Variants in PRTG observed in about 807,000 individuals in gnomAD.
The protein encoded by PRTG is immunoglobulin superfamily, DCC subclass, member 5.
Under a neutral mutation model 122.5 loss-of-function variants are expected in PRTG, and 67 were observed. The observed-to-expected ratio is 0.55, with a 90% confidence interval of 0.45 to 0.67. PRTG has a LOEUF of 0.67. Among genes scored for constraint, PRTG ranks in the 30% least tolerant of loss-of-function variants. PRTG has a pLI of 0.00. For synonymous variants in PRTG, 554 were observed against 501.1 expected (o/e 1.11, Z -1.41); for missense variants, 1,435 against 1,415.4 (o/e 1.01, Z -0.22).
At chr15:55,706,014 A>ATTTTTTTTTTTTTTTTTT (rs56275705) in intron 2 of PRTG, among the ~76,000 whole-genome samples, 53 of 94,352 alleles carry the variant, frequency 5.6e-4, no homozygotes, top group African/African-American at 8.1e-4. Context: ...TGCCCAGCTA[A>ATTTTTTTTTTTTTTTTTT]TTTTTTTTTT....
At chr15:55,689,956 C>T (rs1299851650) in intron 2 of PRTG, among the ~76,000 whole-genome samples, 1 of 151,520 alleles carries the variant, frequency 6.6e-6, no homozygotes, top group East Asian at 1.9e-4. Flanking sequence ...AGTTAGGCAT[C>T]AATTATTTCA....
chr15:55,720,713 C>A (rs75728256), intron 2 of PRTG, among the ~76,000 whole-genome samples: 1 of 152,304 alleles, frequency 6.6e-6, no homozygotes, highest in African/African-American at 2.4e-5. Context: ...TCAGCAGTGT[C>A]CTTCTTTTGG....
chr15:55,679,393 G>A lies in PRTG; in HGVS notation c.1026C>T (p.Gly342=), dbSNP rs375295204. The change falls in exon 7 of 20, where the codon GGC becomes GGT. Residue 342 remains glycine (G), a synonymous_variant. Coordinates refer to ENST00000389286, the MANE Select transcript of PRTG (RefSeq NM_173814.6). The part of the protein sequence containing the change: ...WPESLTRPRA[G]TARFVCQAEG... ...CTGCCTGACACACAAATCGAGCAGT[G>A]CCAGCTCGAGGCCTTGTTAAACTTT... The A allele has an allele frequency of 2.5e-6, 4 of 1,612,712 alleles. No homozygotes were observed. The highest frequency in any genetic ancestry group is 3.4e-6 in the Non-Finnish European group (4 of 1,179,068).
chr15:55,668,379 C>T (rs984669390), intron 11 of PRTG, among the ~76,000 whole-genome samples: 3 of 152,144 alleles, frequency 2.0e-5, no homozygotes, highest in Admixed American at 2.0e-4. Flanking sequence ...TATAAGCTAA[C>T]TTCAGAATTT....
intron 8 of PRTG, 93 bp from the exon 9 acceptor site, chr15:55,675,776 T>C: frequency 3.0e-6 from 2 of 670,472 alleles, no homozygotes; most frequent in African/African-American, 3.5e-5. Flanking sequence ...GGTCCTTGGG[T>C]CTAATCTCAA....
At chr15:55,668,411 CAG>C (rs2059450125) in intron 11 of PRTG, among the ~76,000 whole-genome samples, 3 of 152,070 alleles carry the variant, frequency 2.0e-5, no homozygotes, top group Middle Eastern at 3.4e-3. Flanking sequence ...CTGAAACAAA[CAG>C]ATGAAAAAAG....
chr15:55,730,995 A>G (rs1283826433), intron 2 of PRTG, among the ~76,000 whole-genome samples: 1 of 152,222 alleles, frequency 6.6e-6, no homozygotes, highest in Non-Finnish European at 1.5e-5. Flanking sequence ...AAAGTAGGCA[A>G]GGATTCTCTA....
chr15:55,628,885 GTA>G lies in PRTG; in HGVS notation c.2741_2742del (p.Val914AlafsTer7). On this transcript the variant is annotated frameshift_variant, in exon 16 of 20. Transcript: ENST00000389286. LOFTEE classifies it high-confidence loss of function. ...TTTGATTCAGAGGTTTCCTTTGGAA[GTA>G]CTGCCAGCTCCACAGAATTTGAAAA... ...GPFSNSVELA[V>X]LPKETSESNQ... The G allele has an allele frequency of 6.2e-7, 1 of 1,614,088 alleles. No homozygotes were observed. The highest frequency in any genetic ancestry group is 2.2e-5 in the East Asian group (1 of 44,876).
chr15:55,663,695 C>A (rs1253062640), intron 11 of PRTG, among the ~76,000 whole-genome samples: 1 of 152,064 alleles, frequency 6.6e-6, no homozygotes. Flanking sequence ...GTACCAGCCA[C>A]CACGTCTGGC....
chr15:55,623,105 C>T (rs554206950), intron 18 of PRTG, among the ~76,000 whole-genome samples: 2 of 152,206 alleles, frequency 1.3e-5, no homozygotes, highest in African/African-American at 4.8e-5. Context: ...TGTTATACTT[C>T]TGTTATTCTA....
At chr15:55,680,928 C>A (rs557010989) in intron 4 of PRTG, among the ~76,000 whole-genome samples, 247 of 152,200 alleles carry the variant, frequency 1.6e-3, no homozygotes, top group South Asian at 5.4e-3. Flanking sequence ...AGCCTAGTAA[C>A]CACTAATCTA....
chr15:55,733,521 A>C (rs1422035573), intron 2 of PRTG, among the ~76,000 whole-genome samples: 3 of 150,362 alleles, frequency 2.0e-5, no homozygotes, highest in Admixed American at 6.6e-5. Flanking sequence ...AAACAAAAAA[A>C]AAAAAAAAAA....
intron 2 of PRTG, chr15:55,702,829 A>C (rs2029943171): frequency 1.3e-6 from 1 of 793,646 alleles, no homozygotes. Flanking sequence ...CAACCTGAAA[A>C]GCCCAGCCTA....
intron 11 of PRTG, among the ~76,000 whole-genome samples, chr15:55,652,581 T>G (rs1448660821): frequency 6.6e-6 from 1 of 152,124 alleles, no homozygotes; most frequent in Admixed American, 6.6e-5. Context: ...CGGTACGGCC[T>G]GCTCTGACAC....
chr15:55,685,075 C>G (rs889138928), intron 2 of PRTG, among the ~76,000 whole-genome samples: 4 of 152,158 alleles, frequency 2.6e-5, no homozygotes, highest in Admixed American at 1.3e-4. Flanking sequence ...GAAAGGTCCA[C>G]TACTATAGTC....
At chr15:55,641,970 C>T (rs1180226851) in intron 11 of PRTG, among the ~76,000 whole-genome samples, 2 of 149,106 alleles carry the variant, frequency 1.3e-5, no homozygotes, top group African/African-American at 2.5e-5. Context: ...GTCAGGAGAT[C>T]GAGACCATCC....
intron 1 of PRTG, 83 bp downstream of exon 1, chr15:55,742,755 C>T (rs1232600003): frequency 1.1e-5 from 16 of 1,494,950 alleles, no homozygotes; most frequent in African/African-American, 4.3e-5. Flanking sequence ...CTCCCCACGC[C>T]CCATCGTTTC....
At position 55,677,802 on chromosome 15, in the gene PRTG, G is replaced by C. The variant is rs1051910376; in HGVS notation, c.1376C>G (p.Ala459Gly). 6 of 1,612,916 alleles carry C rather than the reference G, an allele frequency of 3.7e-6. No individual in the cohort carries two copies. The African/African-American group carries it at 5.3e-5, about 14-fold the overall frequency. The change falls in exon 8 of 20, where the codon GCA becomes GGA. Residue 459 changes from alanine (A) to glycine (G), a missense_variant. Physicochemically the swap from Ala to Gly is moderately conservative, Grantham distance 60. Coordinates refer to ENST00000389286, the MANE Select transcript of PRTG (RefSeq NM_173814.6). ...VIAYSVHYMK[A>G]EGLNNEEYQV... ...GCACTCCTAAAATCGCTTACCTTCT[G>C]CTTTCATGTAGTGTACAGAATAGGC...
intron 15 of PRTG, among the ~76,000 whole-genome samples, chr15:55,635,579 A>G (rs1229973832): frequency 6.6e-6 from 1 of 152,180 alleles, no homozygotes; most frequent in Non-Finnish European, 1.5e-5. Context: ...ACCGATATAA[A>G]CATAAAATCA....
Sources: allele counts gnomAD v4.1 joint callset (sites outside exome capture counted in the v4.1 genomes callset), GRCh38; gene constraint gnomAD v4.1.1; transcripts MANE v1.5; gene names NCBI Gene and HGNC (gene_info 2026-07-23, HGNC 2026-07-21).